The following LDLRAD4 variants were observed in gnomAD, a reference collection of about 807,000 sequenced individuals.
The protein encoded by LDLRAD4 is low density lipoprotein receptor class A domain containing 4, also known as low-density lipoprotein receptor class A domain-containing protein 4.
Under a neutral mutation model 17.0 loss-of-function variants are expected in LDLRAD4, and 5 were observed. The observed-to-expected ratio is 0.29, with a 90% CI of 0.15 to 0.62. LDLRAD4 has a LOEUF of 0.62. Among genes scored for constraint, LDLRAD4 ranks in the 20% least tolerant of loss-of-function variants. LDLRAD4 has a pLI of 0.84. For synonymous variants in LDLRAD4, 168 were observed against 171.8 expected, an observed-to-expected ratio of 0.98 and a Z score of 0.17; for missense variants, 340 against 424.7, an observed-to-expected ratio of 0.80 and a Z score of 1.75.
At chr18:13,506,652 A>G (rs1468118304) in intron 3 of LDLRAD4, among the ~76,000 whole-genome samples, 1 of 152,252 alleles carries the variant, frequency 6.6e-6, no homozygotes, top group African/African-American at 2.4e-5. Context: ...TTTTCACTGT[A>G]GATGGAATAG....
chr18:13,572,278 A>AGAAACAGGCC (rs2094703460), intron 3 of LDLRAD4, among the ~76,000 whole-genome samples: 1 of 152,238 alleles, frequency 6.6e-6, no homozygotes, highest in Non-Finnish European at 1.5e-5. Flanking sequence ...AAGTAACAAA[A>AGAAACAGGCC]GAAACAGGCC....
chr18:13,310,989 A>G (rs1395726297), intron 1 of LDLRAD4, among the ~76,000 whole-genome samples: 1 of 152,164 alleles, frequency 6.6e-6, no homozygotes, highest in Non-Finnish European at 1.5e-5. Flanking sequence ...CATAACTCAC[A>G]GAGTCTCAGC....
At chr18:13,218,758 T>C (rs1454427840), upstream of LDLRAD4, 1 of 152,206 alleles carries the variant, frequency 6.6e-6, no homozygotes, top group African/African-American at 2.4e-5. Context: ...GGGAAGTCGA[T>C]TGTCTGGGGC....
At chr18:13,432,419 G>A (rs1487775575) in intron 2 of LDLRAD4, among the ~76,000 whole-genome samples, 1 of 152,164 alleles carries the variant, frequency 6.6e-6, no homozygotes, top group Non-Finnish European at 1.5e-5. Context: ...GATAAAATTG[G>A]TGTCTAGGAT....
intron 2 of LDLRAD4, among the ~76,000 whole-genome samples, chr18:13,423,079 G>A (rs1001328588): frequency 3.9e-5 from 6 of 152,228 alleles, no homozygotes; most frequent in African/African-American, 1.2e-4. Context: ...GTGTCCAGAA[G>A]CCTTTACTGT....
At chr18:13,383,666 C>T (rs1240723793) in intron 1 of LDLRAD4, among the ~76,000 whole-genome samples, 1 of 152,232 alleles carries the variant, frequency 6.6e-6, no homozygotes, top group African/African-American at 2.4e-5. Flanking sequence ...TAAAAGCACA[C>T]GTCTTGTCCA....
intron 3 of LDLRAD4, among the ~76,000 whole-genome samples, chr18:13,509,013 T>C (rs2093737239): frequency 6.6e-6 from 1 of 152,134 alleles, no homozygotes; most frequent in Admixed American, 6.5e-5. Context: ...GGTCAAAATA[T>C]CAGCATCGGC....
At chr18:13,568,528 C>T (rs941716583) in intron 3 of LDLRAD4, among the ~76,000 whole-genome samples, 12 of 152,160 alleles carry the variant, frequency 7.9e-5, no homozygotes, top group Non-Finnish European at 1.5e-4. Context: ...TGATACATGC[C>T]TCCTTCCTTT....
At chr18:13,549,334 T>G (rs769260289) in intron 3 of LDLRAD4, among the ~76,000 whole-genome samples, 13 of 152,072 alleles carry the variant, frequency 8.5e-5, no homozygotes, top group Non-Finnish European at 1.2e-4. Context: ...ACAGCTGTCT[T>G]CATTTCTCAG....
At chr18:13,531,078 T>A (rs115370510) in intron 3 of LDLRAD4, among the ~76,000 whole-genome samples, 2 of 152,148 alleles carry the variant, frequency 1.3e-5, no homozygotes, top group African/African-American at 4.8e-5. Flanking sequence ...TCCTGCACTC[T>A]ACAAAACTAG....
chr18:13,463,279 A>G (rs756318771), intron 3 of LDLRAD4, among the ~76,000 whole-genome samples: 2 of 151,852 alleles, frequency 1.3e-5, no homozygotes, highest in South Asian at 2.1e-4. Flanking sequence ...CCTTTTCTCT[A>G]TTCCCTTCCT....
chr18:13,509,568 G>A (rs1385143646), intron 3 of LDLRAD4, among the ~76,000 whole-genome samples: 1 of 152,142 alleles, frequency 6.6e-6, no homozygotes, highest in Non-Finnish European at 1.5e-5. Flanking sequence ...ATCTACTCCT[G>A]GTGAAAATGC....
intron 3 of LDLRAD4, among the ~76,000 whole-genome samples, chr18:13,581,667 A>T (rs906269503): frequency 6.6e-6 from 1 of 151,836 alleles, no homozygotes; most frequent in African/African-American, 2.4e-5. Context: ...TGTGGTTTCT[A>T]TTGGCTCCTA....
Position 13,313,597 on chromosome 18 carries a change from G to A in LDLRAD4, c.-383+35409G>A, listed in dbSNP as rs192760595. ...CTTCCCCCGCCACCGTCCCCCGCAC[G>A]GGGAACTCAAGTTAGGCTTCTTGGC... On this transcript the variant is annotated intron_variant, in intron 1 of 5. Coordinates refer to ENST00000359446, the Ensembl canonical transcript of LDLRAD4. 1.4e-3 allele frequency among the ~76,000 whole-genome samples: 206 copies of A among 151,940 alleles called. 2 individuals carry two copies. The highest frequency in any genetic ancestry group is 8.2e-4 in the Non-Finnish European group (56 of 67,960).
chr18:13,542,235 G>T (rs1375022570), intron 3 of LDLRAD4: 1 of 152,228 alleles, frequency 6.6e-6, no homozygotes, highest in Non-Finnish European at 1.5e-5. Context: ...GTTTTATGGA[G>T]AGGCTGTTTA....
At chr18:13,429,486 C>T (rs2146001144) in intron 2 of LDLRAD4, among the ~76,000 whole-genome samples, 1 of 152,288 alleles carries the variant, frequency 6.6e-6, no homozygotes, top group South Asian at 2.1e-4. Context: ...GTCCAGAATT[C>T]AGGAATCCAT....
Position 13,367,555 on chromosome 18 carries a change from C to T in LDLRAD4, c.-382-19786C>T, listed in dbSNP as rs562260501. On this transcript the variant is annotated intron_variant, in intron 1 of 5. Coordinates refer to ENST00000359446, the Ensembl canonical transcript of LDLRAD4. This position sits in a 1 kb window ranked among gnomAD's most constrained non-coding sequence, Gnocchi z 4.1. ...CCAGGGCCCGGGTGCTGCAGCAAGGCGGCTGTGGCAGTGCCAAGCGAGTGG... is the reference window on the plus strand; with the variant it reads ...CCAGGGCCCGGGTGCTGCAGCAAGGTGGCTGTGGCAGTGCCAAGCGAGTGG... 1.3e-5 allele frequency among the ~76,000 whole-genome samples: 2 copies of T among 152,180 alleles called. No homozygotes were observed. Among genetic ancestry groups the T allele is most frequent in the African/African-American group, 2.4e-5 (1 of 41,442 alleles).
intron 3 of LDLRAD4, among the ~76,000 whole-genome samples, chr18:13,585,201 A>G (rs2094917817): frequency 6.6e-6 from 1 of 152,224 alleles, no homozygotes; most frequent in Non-Finnish European, 1.5e-5. Context: ...TCAATACATC[A>G]GCTTTGCTGG....
chr18:13,345,690 C>T (rs1279555951), intron 1 of LDLRAD4, among the ~76,000 whole-genome samples: 13 of 152,214 alleles, frequency 8.5e-5, no homozygotes, highest in South Asian at 4.2e-4. Context: ...TGGTAGAATT[C>T]GGCTGTGAAT....
Sources: allele counts gnomAD v4.1 joint callset (sites outside exome capture counted in the v4.1 genomes callset), GRCh38; gene constraint gnomAD v4.1.1; non-coding constraint Gnocchi (gnomAD v3.1); transcripts MANE v1.5; gene names NCBI Gene and HGNC (gene_info 2026-07-23, HGNC 2026-07-21).